The following ACTR3C variants were observed in gnomAD, a reference collection of about 807,000 sequenced individuals.
ACTR3C encodes the protein actin related protein 3C, also known as actin-related protein 3C.
A neutral mutation model predicts 26.3 loss-of-function variants in ACTR3C; 18 were observed. The ratio of observed to expected loss-of-function variants is 0.68; its 90% confidence interval spans 0.47 to 1.01. The LOEUF (loss-of-function observed/expected upper bound fraction) is 1.01. Ranked by LOEUF, ACTR3C falls within the 50% of genes least tolerant of loss-of-function variation. The probability of loss-of-function intolerance (pLI) is 0.00; values close to 1 mark genes in which losing one functional copy is unlikely to be tolerated. For synonymous variants in ACTR3C, 55 were observed against 94.5 expected, an observed-to-expected ratio of 0.58 and a Z score of 2.42; for missense variants, 184 against 250.7, an observed-to-expected ratio of 0.73 and a Z score of 1.80.
At chr7:150,037,848 C>A in the ACTR3C span, among the ~76,000 whole-genome samples, 1 of 94,422 alleles carries the variant, frequency 1.1e-5, no homozygotes, top group East Asian at 2.8e-4. Flanking sequence ...GCGGAGGGTG[C>A]CTCCGCCCCC....
chr7:150,031,462 G>A, the ACTR3C span, among the ~76,000 whole-genome samples: 1 of 152,050 alleles, frequency 6.6e-6, no homozygotes, highest in South Asian at 2.1e-4. Context: ...ACCTCCTGAA[G>A]CCCTCATGCA....
chr7:149,883,513 A>G, the ACTR3C span, among the ~76,000 whole-genome samples: 1 of 152,212 alleles, frequency 6.6e-6, no homozygotes, highest in African/African-American at 2.4e-5. Flanking sequence ...ACGCTGAGAC[A>G]GAGGACAAAG....
chr7:150,213,790 C>T, the ACTR3C span, among the ~76,000 whole-genome samples: 1 of 145,370 alleles, frequency 6.9e-6, no homozygotes, highest in Non-Finnish European at 1.5e-5. Context: ...TCAGATTTGA[C>T]AAGTGATAGT....
chr7:149,895,139 C>T, the ACTR3C span, among the ~76,000 whole-genome samples: 2 of 145,304 alleles, frequency 1.4e-5, no homozygotes, highest in East Asian at 4.1e-4. Flanking sequence ...ATAAGCCAGG[C>T]ACAGAAAGAC....
the ACTR3C span, among the ~76,000 whole-genome samples, chr7:149,918,864 T>G: frequency 6.6e-6 from 1 of 152,112 alleles, no homozygotes; most frequent in African/African-American, 2.4e-5. Context: ...CCCAACACAC[T>G]CCCTAGATCC....
At chr7:150,231,824 G>C in the ACTR3C span, among the ~76,000 whole-genome samples, 1 of 151,890 alleles carries the variant, frequency 6.6e-6, no homozygotes, top group Non-Finnish European at 1.5e-5. Flanking sequence ...AGAAGCTTGG[G>C]AAGAACATAT....
chr7:150,007,844 T>C, the ACTR3C span, among the ~76,000 whole-genome samples: 15 of 151,974 alleles, frequency 9.9e-5, no homozygotes, highest in Non-Finnish European at 1.9e-4. Flanking sequence ...CAATTAGTAT[T>C]GTCCTCACTT....
chr7:150,205,819 CT>C, the ACTR3C span, among the ~76,000 whole-genome samples: 4,861 of 144,576 alleles, frequency 0.034, 168 homozygotes, highest in African/African-American at 0.096. Context: ...TTCAGAAGAC[CT>C]TTTTTTTTTT....
chr7:150,157,852 G>A, the ACTR3C span, among the ~76,000 whole-genome samples: 11 of 151,942 alleles, frequency 7.2e-5, 1 homozygote, highest in South Asian at 4.2e-4. Context: ...TAGGCACAGC[G>A]CTGGGTCATA....
intron 1 of ACTR3C, among the ~76,000 whole-genome samples, chr7:150,299,555 G>A (rs1054665608): frequency 1.3e-5 from 2 of 151,398 alleles, no homozygotes; most frequent in African/African-American, 4.9e-5. Context: ...GGAGGCAGGG[G>A]CAGGTGGATC....
chr7:150,113,298 T>C, the ACTR3C span, among the ~76,000 whole-genome samples: 3 of 151,906 alleles, frequency 2.0e-5, no homozygotes, highest in East Asian at 3.9e-4. Flanking sequence ...CTGTAAATTA[T>C]ATGTGTGAAT....
chr7:150,096,033 T>TA, the ACTR3C span, among the ~76,000 whole-genome samples: 1 of 147,326 alleles, frequency 6.8e-6, no homozygotes, highest in Non-Finnish European at 1.5e-5. Context: ...GACATTCTTT[T>TA]AAAAAAAATT....
At chr7:150,123,266 A>G in the ACTR3C span, among the ~76,000 whole-genome samples, 2 of 152,164 alleles carry the variant, frequency 1.3e-5, no homozygotes, top group South Asian at 4.1e-4. Flanking sequence ...AAAAAAAAGA[A>G]TGAGGCTGGG....
At chr7:149,900,985 A>G in the ACTR3C span, among the ~76,000 whole-genome samples, 1 of 152,052 alleles carries the variant, frequency 6.6e-6, no homozygotes, top group African/African-American at 2.4e-5. Flanking sequence ...GTAAGCCGAC[A>G]TCACACCACT....
the ACTR3C span, among the ~76,000 whole-genome samples, chr7:150,035,591 G>C: frequency 7.9e-6 from 1 of 125,932 alleles, no homozygotes; most frequent in Non-Finnish European, 1.7e-5. Flanking sequence ...CTGGCTCTCA[G>C]TAATCCCACG....
the ACTR3C span, among the ~76,000 whole-genome samples, chr7:149,968,105 T>C: frequency 6.6e-5 from 10 of 152,222 alleles, no homozygotes; most frequent in Admixed American, 2.0e-4. Flanking sequence ...GTAGTTACAC[T>C]CCCCAGGGTC....
chr7:150,142,037 G>C, the ACTR3C span, among the ~76,000 whole-genome samples: 2 of 152,162 alleles, frequency 1.3e-5, no homozygotes, highest in Non-Finnish European at 2.9e-5. Flanking sequence ...ATGATAAAGA[G>C]GGCTGTACCA....
the ACTR3C span, among the ~76,000 whole-genome samples, chr7:150,071,892 T>C: frequency 6.8e-6 from 1 of 146,840 alleles, no homozygotes; most frequent in Non-Finnish European, 1.5e-5. Context: ...GAGAAGGCCA[T>C]AGTGTGGAGT....
the ACTR3C span, among the ~76,000 whole-genome samples, chr7:149,985,186 A>C: frequency 1.4e-5 from 2 of 147,256 alleles, no homozygotes; most frequent in Non-Finnish European, 3.0e-5. Context: ...ATTTCAACTA[A>C]ATCATGCTTG....
Sources: gnomAD v4.1 joint callset for allele counts (sites outside exome capture counted in the v4.1 genomes callset) on GRCh38, gnomAD v4.1.1 for gene constraint, MANE v1.5 for transcripts, NCBI Gene and HGNC (gene_info 2026-07-23, HGNC 2026-07-21) for gene names.